KCNJ12: variants seen among roughly 807,000 people sequenced by gnomAD.
KCNJ12 encodes ATP-sensitive inward rectifier potassium channel 12.
KCNJ12 carries 2 observed loss-of-function variants against 22.3 expected under a neutral mutation model. The ratio of observed to expected loss-of-function variants is 0.09; its 90% CI spans 0.04 to 0.28. KCNJ12 has a LOEUF of 0.28. KCNJ12 is among the 10% of genes least tolerant of loss of function. The pLI is 1.00. For synonymous variants in KCNJ12, 117 were observed against 261.4 expected (o/e 0.45, Z 5.33); for missense variants, 155 against 633.3 (o/e 0.24, Z 8.11).
intron 1 of KCNJ12, among the ~76,000 whole-genome samples, chr17:21,379,846 G>A (rs2144757882): frequency 6.6e-6 from 1 of 152,242 alleles, no homozygotes; most frequent in East Asian, 1.9e-4. Flanking sequence ...TGGGCTCGGG[G>A]CAGGACCAGA....
chr17:21,410,783 G>T (rs1187760404), intron 2 of KCNJ12, among the ~76,000 whole-genome samples: 1 of 152,302 alleles, frequency 6.6e-6, no homozygotes, highest in Non-Finnish European at 1.5e-5. Context: ...ACTCCTGAAA[G>T]GCTGTGTAAC....
intron 2 of KCNJ12, among the ~76,000 whole-genome samples, chr17:21,409,866 C>G (rs1195749155): frequency 2.0e-5 from 3 of 152,206 alleles, no homozygotes; most frequent in Non-Finnish European, 4.4e-5. Flanking sequence ...CATAGGAAGC[C>G]GTCATGGCAT....
chr17:21,377,997 C>T (rs2144753923), intron 1 of KCNJ12, among the ~76,000 whole-genome samples: 1 of 152,380 alleles, frequency 6.6e-6, no homozygotes, highest in South Asian at 2.1e-4. Context: ...CTCCTGGCTC[C>T]CACATCTGCG....
At chr17:21,412,037 C>T (rs1906382529) in intron 2 of KCNJ12, among the ~76,000 whole-genome samples, 1 of 152,310 alleles carries the variant, frequency 6.6e-6, no homozygotes, top group Non-Finnish European at 1.5e-5. Flanking sequence ...CTCACACACA[C>T]ACACACGCAC....
At chr17:21,402,347 C>A (rs1426296654) in intron 1 of KCNJ12, among the ~76,000 whole-genome samples, 1 of 101,550 alleles carries the variant, frequency 9.8e-6, no homozygotes, top group Non-Finnish European at 2.1e-5. Context: ...TTTTCCTCAG[C>A]CTGTTTTTTT....
intron 2 of KCNJ12, among the ~76,000 whole-genome samples, chr17:21,409,969 G>A (rs1906224176): frequency 6.6e-6 from 1 of 152,174 alleles, no homozygotes; most frequent in Non-Finnish European, 1.5e-5. Context: ...AGGGGATTGG[G>A]TGTAAGAGGT....
chr17:21,389,244 C>T (rs1300725088), intron 1 of KCNJ12, among the ~76,000 whole-genome samples: 2 of 152,212 alleles, frequency 1.3e-5, no homozygotes, highest in Non-Finnish European at 2.9e-5. Flanking sequence ...CCTGTGACCT[C>T]AGCCACAGAG....
At chr17:21,398,138 T>C (rs1905439891) in intron 1 of KCNJ12, among the ~76,000 whole-genome samples, 1 of 152,044 alleles carries the variant, frequency 6.6e-6, no homozygotes, top group Admixed American at 6.6e-5. Context: ...TGTGTACATA[T>C]GTGTACAAGA....
At chr17:21,388,411 G>A (rs782697363) in intron 1 of KCNJ12, among the ~76,000 whole-genome samples, 1 of 152,200 alleles carries the variant, frequency 6.6e-6, no homozygotes, top group Non-Finnish European at 1.5e-5. Context: ...TCATACCTGT[G>A]ACCCCCTTGC....
intron 1 of KCNJ12, among the ~76,000 whole-genome samples, chr17:21,401,803 G>A (rs1260852621): frequency 2.6e-5 from 4 of 152,288 alleles, no homozygotes; most frequent in African/African-American, 9.6e-5. Flanking sequence ...GCCCCTCAAC[G>A]CAGTCAGACC....
chr17:21,407,713 A>T (rs1906045236), intron 1 of KCNJ12, among the ~76,000 whole-genome samples: 1 of 151,532 alleles, frequency 6.6e-6, no homozygotes, highest in Non-Finnish European at 1.5e-5. Flanking sequence ...CTACTTTCAC[A>T]CTTATCCATC....
chr17:21,387,918 C>T (rs896000143), intron 1 of KCNJ12, among the ~76,000 whole-genome samples: 32 of 152,134 alleles, frequency 2.1e-4, no homozygotes, highest in Admixed American at 1.6e-3. Context: ...TGCTGTGCCC[C>T]CCGAGGGTCG....
At chr17:21,383,111 G>T (rs1904936381) in intron 1 of KCNJ12, among the ~76,000 whole-genome samples, 1 of 152,198 alleles carries the variant, frequency 6.6e-6, no homozygotes, top group African/African-American at 2.4e-5. Context: ...ACTGAGATGT[G>T]TATGATAGAG....
chr17:21,389,264 T>G (rs1597559506), intron 1 of KCNJ12, among the ~76,000 whole-genome samples: 1 of 152,176 alleles, frequency 6.6e-6, no homozygotes, highest in Non-Finnish European at 1.5e-5. Flanking sequence ...GCATGGCTGG[T>G]CCAGGCACCT....
intron 1 of KCNJ12, among the ~76,000 whole-genome samples, chr17:21,392,174 G>T (rs1905226928): frequency 6.6e-6 from 1 of 152,206 alleles, no homozygotes; most frequent in South Asian, 2.1e-4. Flanking sequence ...CCCCAGGTGT[G>T]AGTGGGAATA....
intron 2 of KCNJ12, among the ~76,000 whole-genome samples, chr17:21,413,808 G>T (rs1555562019): frequency 6.6e-6 from 1 of 152,300 alleles, no homozygotes; most frequent in Admixed American, 6.5e-5. Context: ...CTGTCCTGGG[G>T]TGCCTGAATG....
intron 1 of KCNJ12, among the ~76,000 whole-genome samples, chr17:21,398,135 A>C (rs1905439540): frequency 6.6e-6 from 1 of 152,034 alleles, no homozygotes. Context: ...GCCTGTGTAC[A>C]TATGTGTACA....
chr17:21,377,624 G>T (rs1904711037), intron 1 of KCNJ12, among the ~76,000 whole-genome samples: 1 of 152,094 alleles, frequency 6.6e-6, no homozygotes, highest in African/African-American at 2.4e-5. Flanking sequence ...GGGGGAGCGG[G>T]GCGGGAATCA....
chr17:21,411,191 G>C (rs1234777162), intron 2 of KCNJ12, among the ~76,000 whole-genome samples: 43 of 152,294 alleles, frequency 2.8e-4, no homozygotes, highest in Non-Finnish European at 5.4e-4. Context: ...TGGGCATGGG[G>C]CATCCAGTTC....
Sources: gnomAD v4.1 joint callset for allele counts (sites outside exome capture counted in the v4.1 genomes callset) on GRCh38, gnomAD v4.1.1 for gene constraint, MANE v1.5 for transcripts, NCBI Gene and HGNC (gene_info 2026-07-23, HGNC 2026-07-21) for gene names.